KCND2: variants seen among roughly 807,000 people sequenced by gnomAD.
KCND2 encodes the protein A-type voltage-gated potassium channel KCND2.
A neutral mutation model predicts 54.4 loss-of-function variants in KCND2; 16 were observed. That is an observed-to-expected ratio of 0.29 (90% confidence interval 0.20 to 0.45). The LOEUF is 0.45. KCND2 is among the 20% of genes least tolerant of loss of function. The pLI, the probability that KCND2 is intolerant of heterozygous loss-of-function variation, is 1.00. For missense variants in KCND2, 486 were observed against 824.2 expected (o/e 0.59, Z 5.02); for synonymous variants, 317 against 310.7 (o/e 1.02, Z -0.21).
At chr7:120,673,352 T>C (rs1484325777) in intron 1 of KCND2, among the ~76,000 whole-genome samples, 1 of 152,124 alleles carries the variant, frequency 6.6e-6, no homozygotes, top group African/African-American at 2.4e-5. Context: ...TCCCAAATCC[T>C]TGTTTGCAAT....
At chr7:120,445,352 A>G (rs1584781796) in intron 1 of KCND2, among the ~76,000 whole-genome samples, 1 of 152,218 alleles carries the variant, frequency 6.6e-6, no homozygotes, top group Admixed American at 6.5e-5. Context: ...TTCAAAAGTA[A>G]TGAATACATG....
At chr7:120,732,813 A>G (rs536556946) in intron 1 of KCND2, 90 bp from the exon 2 acceptor site, 1 of 1,052,216 alleles carries the variant, frequency 9.5e-7, no homozygotes, top group Non-Finnish European at 1.4e-6. Flanking sequence ...CCAAAAAATC[A>G]TTTGACTTAA....
intron 1 of KCND2, among the ~76,000 whole-genome samples, chr7:120,452,648 GGCA>G (rs144954804): frequency 0.061 from 9,293 of 152,148 alleles, 858 homozygotes; most frequent in African/African-American, 0.21. Flanking sequence ...CTGGAATCTG[GGCA>G]GCAAGAAGCC....
At chr7:120,471,345 A>G (rs1002332508) in intron 1 of KCND2, among the ~76,000 whole-genome samples, 24 of 152,098 alleles carry the variant, frequency 1.6e-4, no homozygotes, top group African/African-American at 5.5e-4. Context: ...AGATGTGCAA[A>G]CAGCAGCAAG....
intron 1 of KCND2, among the ~76,000 whole-genome samples, chr7:120,657,741 C>T (rs529168136): frequency 6.6e-5 from 10 of 152,074 alleles, no homozygotes; most frequent in South Asian, 2.1e-4. Flanking sequence ...CTAGATACTC[C>T]GCAGGCTGAG....
At chr7:120,411,777 G>A (rs1426571389) in intron 1 of KCND2, among the ~76,000 whole-genome samples, 3 of 151,930 alleles carry the variant, frequency 2.0e-5, no homozygotes, top group Admixed American at 6.6e-5. Context: ...TACAGATGAA[G>A]AAATTGGGTA....
At chr7:120,695,800 T>A (rs1027761327) in intron 1 of KCND2, among the ~76,000 whole-genome samples, 2 of 152,196 alleles carry the variant, frequency 1.3e-5, no homozygotes, top group African/African-American at 4.8e-5. Context: ...GATATAAGAT[T>A]AATCAGAATG....
intron 1 of KCND2, among the ~76,000 whole-genome samples, chr7:120,523,828 C>T (rs1791734246): frequency 6.8e-6 from 1 of 147,146 alleles, no homozygotes. Flanking sequence ...TATATATATT[C>T]AGCAACATAT....
chr7:120,381,218 G>C (rs1355471573), intron 1 of KCND2, among the ~76,000 whole-genome samples: 1 of 151,978 alleles, frequency 6.6e-6, no homozygotes, highest in African/African-American at 2.4e-5. Flanking sequence ...TCACGCCACT[G>C]TACTCCAGCC....
intron 1 of KCND2, among the ~76,000 whole-genome samples, chr7:120,658,584 A>G (rs1002295990): frequency 6.6e-6 from 1 of 152,152 alleles, no homozygotes; most frequent in African/African-American, 2.4e-5. Context: ...GTTTTCCATG[A>G]CACTACATGA....
rs869059871 is a variant in KCND2 at position 120,712,241 on chromosome 7, A to ATTTTTTTTTTTTTTTTT, written c.1116-20638_1116-20622dup. On this transcript the variant is annotated intron_variant, in intron 1 of 5. Coordinates refer to ENST00000331113, the MANE Select transcript of KCND2 (RefSeq NM_012281.3). ...TTTTCTTTGAATTTTGGATATCTGAATTTTTTTTTTTTTTTTTTTTTTTTT... is the reference window on the plus strand; with the variant it reads ...TTTTCTTTGAATTTTGGATATCTGAATTTTTTTTTTTTTTTTTTTTTTTTTTTTTTTTTTTTTTTTTT... Among the ~76,000 whole-genome samples the ATTTTTTTTTTTTTTTTT allele has an allele frequency of 2.3e-4, 8 of 34,784 alleles. 3 individuals carry two copies. The highest frequency in any genetic ancestry group is 3.6e-4 in the African/African-American group (3 of 8,288). The allele number at this position is 34,784 out of a possible 152,430, so 22.8% of individuals were successfully genotyped here. A position where few individuals can be genotyped will look rare whatever the true frequency, so the allele number is the denominator to read the frequency against.
intron 1 of KCND2, among the ~76,000 whole-genome samples, chr7:120,526,754 A>G (rs931648750): frequency 2.0e-5 from 3 of 152,134 alleles, no homozygotes; most frequent in African/African-American, 7.2e-5. Context: ...GTTTTACATA[A>G]GTTTTAAATG....
Position 120,352,397 on chromosome 7 carries a change from T to C in KCND2, c.1115+76650T>C, listed in dbSNP as rs76944678. On this transcript the variant is annotated intron_variant, in intron 1 of 5. Transcript: ENST00000331113. ...ACATACATATATATGAATACATACA[T>C]ATATATGAATACATGCACATATACA... 9.0e-3 allele frequency among the ~76,000 whole-genome samples: 1,373 copies of C among 151,836 alleles called. 26 individuals carry two copies. Among genetic ancestry groups the C allele is most frequent in the African/African-American group, 0.031 (1,295 of 41,378 alleles).
intron 1 of KCND2, among the ~76,000 whole-genome samples, chr7:120,478,031 G>C (rs1207065218): frequency 6.6e-6 from 1 of 151,926 alleles, no homozygotes; most frequent in African/African-American, 2.4e-5. Flanking sequence ...ATGTAATAAA[G>C]ATAATAATAA....
At chr7:120,740,869 G>A (rs747447529) in intron 2 of KCND2, 4 of 455,654 alleles carry the variant, frequency 8.8e-6, no homozygotes, top group Non-Finnish European at 1.8e-5. Context: ...GACCCGTGCC[G>A]GTAGACAAAG....
intron 1 of KCND2, among the ~76,000 whole-genome samples, chr7:120,579,991 C>T (rs1479912776): frequency 6.6e-6 from 1 of 152,182 alleles, no homozygotes; most frequent in Non-Finnish European, 1.5e-5. Flanking sequence ...ACTGAGAAGT[C>T]TGTGGTTGAG....
At chr7:120,643,394 C>T (rs1480357094) in intron 1 of KCND2, among the ~76,000 whole-genome samples, 2 of 152,074 alleles carry the variant, frequency 1.3e-5, no homozygotes, top group South Asian at 2.1e-4. Context: ...TTTTTAAAAA[C>T]AATTAACATA....
chr7:120,585,516 G>A (rs1792586135), intron 1 of KCND2, among the ~76,000 whole-genome samples: 1 of 152,162 alleles, frequency 6.6e-6, no homozygotes, highest in South Asian at 2.1e-4. Context: ...CTTGGACATA[G>A]TAGAGAAAGC....
At chr7:120,595,066 G>T (rs200215686) in intron 1 of KCND2, among the ~76,000 whole-genome samples, 1 of 151,556 alleles carries the variant, frequency 6.6e-6, no homozygotes, top group East Asian at 1.9e-4. Context: ...AAATCGATGT[G>T]TCATAAGTAC....
Sources: gnomAD v4.1 joint callset for allele counts (sites outside exome capture counted in the v4.1 genomes callset) on GRCh38, gnomAD v4.1.1 for gene constraint, MANE v1.5 for transcripts, NCBI Gene and HGNC (gene_info 2026-07-23, HGNC 2026-07-21) for gene names.